Variants in CLSTN1 observed in about 807,000 individuals in gnomAD.
The protein encoded by CLSTN1 is calsyntenin 1, also known as calsyntenin-1.
Under a neutral mutation model 108.3 loss-of-function variants are expected in CLSTN1, and 28 were observed. That is an observed-to-expected ratio of 0.26 (90% CI 0.19 to 0.35). The LOEUF (loss-of-function observed/expected upper bound fraction) is 0.35, where lower values mean the gene tolerates loss of function less well. CLSTN1 is among the 10% of genes least tolerant of loss of function. The pLI is 1.00. For missense variants in CLSTN1, 1,157 were observed against 1,302.6 expected (o/e 0.89, Z 1.72); for synonymous variants, 524 against 534.9 (o/e 0.98, Z 0.28).
chr1:9,747,936 C>T (rs1377183504), intron 7 of CLSTN1, among the ~76,000 whole-genome samples: 21 of 151,022 alleles, frequency 1.4e-4, no homozygotes, highest in African/African-American at 4.4e-4. Flanking sequence ...CCCAGCTACT[C>T]GGGAGGCTGA....
At chr1:9,753,493 A>ATTT (rs112701748) in intron 4 of CLSTN1, among the ~76,000 whole-genome samples, 1 of 143,252 alleles carries the variant, frequency 7.0e-6, no homozygotes, top group African/African-American at 2.6e-5. Flanking sequence ...GCAGTGACTA[A>ATTT]TTTTTTTTTT....
intron 1 of CLSTN1, among the ~76,000 whole-genome samples, chr1:9,779,584 A>G (rs567137735): frequency 6.6e-6 from 1 of 152,288 alleles, no homozygotes; most frequent in Admixed American, 6.5e-5. Context: ...TCTGTCTCAA[A>G]AAACAAAAAA....
chr1:9,765,474 G>C (rs1652280395), intron 2 of CLSTN1, among the ~76,000 whole-genome samples: 1 of 152,056 alleles, frequency 6.6e-6, no homozygotes, highest in Non-Finnish European at 1.5e-5. Context: ...TTGAGGTCAA[G>C]AGTTTGAGAC....
chr1:9,730,125 C>T lies in CLSTN1; in HGVS notation c.*383G>A. 1 of 257,882 alleles carries T rather than the reference C, an allele frequency of 3.9e-6. No homozygotes were observed. The allele number at this position is 257,882 out of a possible 1,614,324, so 16.0% of individuals were successfully genotyped here. A position where few individuals can be genotyped will look rare whatever the true frequency, so the allele number is the denominator to read the frequency against. ...TTTAAAAAAAGAAAAAAATGATTAC[C>T]GGGTGGGAGTGAGCATGTTTTACCC... On this transcript the variant is annotated 3_prime_UTR_variant, in exon 19 of 19. Coordinates refer to ENST00000377298, the MANE Select transcript of CLSTN1 (RefSeq NM_001009566.3). This position sits in a 1 kb window ranked among gnomAD's most constrained non-coding sequence, Gnocchi z 5.6.
At chr1:9,806,565 T>A (rs1260376287) in intron 1 of CLSTN1, among the ~76,000 whole-genome samples, 3 of 152,110 alleles carry the variant, frequency 2.0e-5, no homozygotes, top group Non-Finnish European at 2.9e-5. Flanking sequence ...GTTAAATTTG[T>A]ACAAAGAAAA....
intron 1 of CLSTN1, among the ~76,000 whole-genome samples, chr1:9,803,704 G>A (rs1654384124): frequency 1.3e-5 from 2 of 152,012 alleles, no homozygotes; most frequent in African/African-American, 2.4e-5. Flanking sequence ...TTGGGAGGCC[G>A]AGGCACAAGA....
At chr1:9,744,706 C>G in intron 7 of CLSTN1, 63 bp from the exon 8 acceptor site, 1 of 1,520,682 alleles carries the variant, frequency 6.6e-7, no homozygotes, top group Non-Finnish European at 8.8e-7. Context: ...ACCTCAAGCC[C>G]CCAGGCACGT....
chr1:9,784,193 AT>A, intron 1 of CLSTN1, among the ~76,000 whole-genome samples: 1 of 150,372 alleles, frequency 6.7e-6, no homozygotes. Flanking sequence ...AAAAAAAAAA[AT>A]TAACCAAGCG....
chr1:9,744,478 T>G lies in CLSTN1; in HGVS notation c.1151A>C (p.Glu384Ala), dbSNP rs768605004. The change falls in exon 8 of 19, where the codon GAG (glutamate) becomes GCG (alanine). Residue 384 changes from glutamate to alanine, a missense_variant. Physicochemically the swap from Glu to Ala is moderately radical, Grantham distance 107. Transcript: ENST00000377298. Reference sequence around the variant, plus strand: ...CATCCACACCGAGATGGTGAACGGCTCTTTGGGGCTGACCGACACGACGCC... The same window carrying G: ...CATCCACACCGAGATGGTGAACGGCGCTTTGGGGCTGACCGACACGACGCC... ...PDGVVSVSPKEPFTISVWMRH... is the reference protein window; with the variant it reads ...PDGVVSVSPKAPFTISVWMRH... 8.1e-6 allele frequency: 13 copies of G among 1,610,962 alleles called. No individual in the cohort carries two copies. Among genetic ancestry groups the G allele is most frequent in the Middle Eastern group, 3.3e-4 (2 of 6,084 alleles).
intron 4 of CLSTN1, among the ~76,000 whole-genome samples, chr1:9,752,295 T>C (rs1252464668): frequency 6.6e-6 from 1 of 152,082 alleles, no homozygotes; most frequent in Admixed American, 6.6e-5. Context: ...AATTAGGGTG[T>C]CATCAGACCT....
intron 1 of CLSTN1, among the ~76,000 whole-genome samples, chr1:9,784,850 T>C (rs1263297382): frequency 6.6e-6 from 1 of 152,190 alleles, no homozygotes; most frequent in South Asian, 2.1e-4. Context: ...TAGAAAAGTA[T>C]CTTAAACTCT....
At chr1:9,776,985 G>A (rs1018764711) in intron 1 of CLSTN1, among the ~76,000 whole-genome samples, 1 of 151,950 alleles carries the variant, frequency 6.6e-6, no homozygotes, top group East Asian at 1.9e-4. Flanking sequence ...TGGGAGGCTG[G>A]CCACACAGAT....
rs754105802 is a variant in CLSTN1, at chr1:9,733,950, G to A, written c.2281+22C>T. On this transcript the variant is annotated intron_variant, in intron 15 of 18. Coordinates refer to ENST00000377298, the MANE Select transcript of CLSTN1 (RefSeq NM_001009566.3). Reference sequence around the variant, plus strand: ...CCCTCTTGCAGCCTGGCCCACCTGCGTGGCTGCAGCGCTCCCCTTACCTGT... The same window carrying A: ...CCCTCTTGCAGCCTGGCCCACCTGCATGGCTGCAGCGCTCCCCTTACCTGT... The A allele has an allele frequency of 8.2e-6, 13 of 1,592,070 alleles. No homozygotes were observed. The East Asian group carries it at 1.8e-4, about 22-fold the overall frequency.
intron 1 of CLSTN1, among the ~76,000 whole-genome samples, chr1:9,779,186 A>G (rs1365260758): frequency 6.6e-6 from 1 of 152,204 alleles, no homozygotes; most frequent in Non-Finnish European, 1.5e-5. Context: ...CAGGTCTGAA[A>G]CGGCTCTCTG....
chr1:9,800,488 G>A (rs1031997226), intron 1 of CLSTN1, among the ~76,000 whole-genome samples: 1 of 148,472 alleles, frequency 6.7e-6, no homozygotes, highest in Admixed American at 6.9e-5. Flanking sequence ...GGGAGGCCGA[G>A]ACAGGAGGAT....
At chr1:9,731,485 G>A in intron 17 of CLSTN1, 95 bp from the exon 18 acceptor site, 1 of 1,320,560 alleles carries the variant, frequency 7.6e-7, no homozygotes, top group Non-Finnish European at 1.1e-6. Context: ...AAAACGGGCT[G>A]GACAGCACGC....
chr1:9,762,529 G>A (rs540709591), intron 2 of CLSTN1, among the ~76,000 whole-genome samples: 4 of 150,480 alleles, frequency 2.7e-5, no homozygotes, highest in South Asian at 4.2e-4. Context: ...CGCTGCACTC[G>A]GCCTTGGTGC....
At position 9,796,529 on chromosome 1, in the gene CLSTN1, A is replaced by G. The variant is rs866885987; in HGVS notation, c.92-23135T>C. ...TCTCTACTAAACATACAAAAAAAAA[A>G]AAAAATTAGCCGGACGTGGTGGCAG... On this transcript the variant is annotated intron_variant, in intron 1 of 18. Transcript: ENST00000377298. Among the ~76,000 whole-genome samples, 27 of 148,904 alleles carry G rather than the reference A, an allele frequency of 1.8e-4. 2 individuals are homozygous for G. The highest frequency in any genetic ancestry group is 1.4e-3 in the Admixed American group (20 of 14,484).
intron 1 of CLSTN1, among the ~76,000 whole-genome samples, chr1:9,812,535 G>T (rs1409347021): frequency 6.6e-6 from 1 of 152,068 alleles, no homozygotes; most frequent in Non-Finnish European, 1.5e-5. Context: ...GCATAGAAGG[G>T]CCCCAGGGTT....
Sources: allele counts gnomAD v4.1 joint callset (sites outside exome capture counted in the v4.1 genomes callset), GRCh38; gene constraint gnomAD v4.1.1; non-coding constraint Gnocchi (gnomAD v3.1); transcripts MANE v1.5; gene names NCBI Gene and HGNC (gene_info 2026-07-23, HGNC 2026-07-21).